ZNF804B: variants seen among roughly 807,000 people sequenced by gnomAD.
The protein encoded by ZNF804B is zinc finger 804B.
ZNF804B carries 80 observed loss-of-function variants against 101.4 expected under a neutral mutation model. The observed-to-expected ratio is 0.79, with a 90% CI of 0.66 to 0.95. The LOEUF (loss-of-function observed/expected upper bound fraction) is 0.95, where lower values mean the gene tolerates loss of function less well. Ranked by LOEUF, ZNF804B falls within the 40% of genes least tolerant of loss-of-function variation. The pLI is 0.00. For missense variants in ZNF804B, 1,673 were observed against 1,561.9 expected (o/e 1.07, Z -1.20); for synonymous variants, 622 against 558.8 (o/e 1.11, Z -1.59).
chr7:89,273,959 T>G (rs1032406852), intron 2 of ZNF804B, among the ~76,000 whole-genome samples: 9 of 152,068 alleles, frequency 5.9e-5, no homozygotes, highest in African/African-American at 1.9e-4. Context: ...AGTAGCCACA[T>G]TCTGCTTTTT....
intron 1 of ZNF804B, among the ~76,000 whole-genome samples, chr7:88,956,865 A>T (rs1200746666): frequency 6.6e-6 from 1 of 151,468 alleles, no homozygotes; most frequent in Non-Finnish European, 1.5e-5. Flanking sequence ...TGTTGCATAC[A>T]CTTTTCTTGT....
chr7:89,130,803 G>T (rs948105243), intron 1 of ZNF804B, among the ~76,000 whole-genome samples: 5 of 151,904 alleles, frequency 3.3e-5, no homozygotes, highest in Admixed American at 2.0e-4. Context: ...GAAACATGAG[G>T]TGATTTTTAT....
chr7:88,817,978 G>T (rs529479347), intron 1 of ZNF804B, among the ~76,000 whole-genome samples: 1 of 152,236 alleles, frequency 6.6e-6, no homozygotes, highest in Non-Finnish European at 1.5e-5. Flanking sequence ...TTACTGGACA[G>T]ATAATTTTGT....
At position 89,279,747 on chromosome 7, in the gene ZNF804B, G is replaced by A. The variant is rs533331574; in HGVS notation, c.250-47597G>A. Among the ~76,000 whole-genome samples, 11 of 151,922 alleles carry A rather than the reference G, an allele frequency of 7.2e-5. No homozygotes were observed. In the East Asian group the frequency reaches 1.6e-3, roughly 21 times the overall value. ...AGCTTTTTGATGTGCTGCTGGATTC[G>A]GTTTGCCAGTATTTTATTGAGGATT... On this transcript the variant is annotated intron_variant, in intron 2 of 3. Coordinates refer to ENST00000333190, the MANE Select transcript of ZNF804B (RefSeq NM_181646.5).
chr7:88,920,121 G>GCAAAA (rs1043930722), intron 1 of ZNF804B, among the ~76,000 whole-genome samples: 51 of 151,962 alleles, frequency 3.4e-4, no homozygotes, highest in African/African-American at 1.2e-3. Flanking sequence ...GGTTAAAAAA[G>GCAAAA]CAAAACAAAA....
In ZNF804B at chr7:88,814,052, T is replaced by C. The variant is rs1221833275; in HGVS notation, c.108+53968T>C. 2.6e-5 allele frequency among the ~76,000 whole-genome samples: 4 copies of C among 152,202 alleles called. No individual in the cohort carries two copies. The East Asian group carries it at 7.7e-4, about 29-fold the overall frequency. On this transcript the variant is annotated intron_variant, in intron 1 of 3. Transcript: ENST00000333190. ...TGAAAATTCTGATTTGAGAGAAATG[T>C]ATGCAGAATTGATATTTATAGTACT... is the stretch of plus-strand genomic sequence containing the variant.
intron 1 of ZNF804B, among the ~76,000 whole-genome samples, chr7:88,858,553 A>C (rs1791604427): frequency 6.6e-6 from 1 of 152,178 alleles, no homozygotes. Context: ...ATAGAAAAGC[A>C]GTTACTAAAC....
At position 89,032,319 on chromosome 7, in the gene ZNF804B, G is replaced by A. The variant is rs543432417; in HGVS notation, c.109-185836G>A. ...TTGTGTTGGGGGGACAGGATGTGGG[G>A]TGGGGGAGAGAATGAGTTAAGGGGG... On this transcript the variant is annotated intron_variant, in intron 1 of 3. Coordinates refer to ENST00000333190, the MANE Select transcript of ZNF804B (RefSeq NM_181646.5). 2.6e-5 allele frequency among the ~76,000 whole-genome samples: 4 copies of A among 151,204 alleles called. No homozygotes were observed. The South Asian group carries it at 6.3e-4, about 24-fold the overall frequency.
chr7:89,075,835 C>T (rs557197219), intron 1 of ZNF804B, among the ~76,000 whole-genome samples: 82 of 152,280 alleles, frequency 5.4e-4, no homozygotes, highest in African/African-American at 1.6e-3. Flanking sequence ...CAAAGGTGCC[C>T]GAGACCATGG....
At chr7:89,220,033 G>A (rs534707677) in intron 2 of ZNF804B, among the ~76,000 whole-genome samples, 4,949 of 60,806 alleles carry the variant, frequency 0.081, 1,709 homozygotes, top group Middle Eastern at 0.1. Flanking sequence ...ATATATATAC[G>A]CACATATATG....
At chr7:89,135,710 A>G (rs1163922532) in intron 1 of ZNF804B, among the ~76,000 whole-genome samples, 2 of 152,064 alleles carry the variant, frequency 1.3e-5, no homozygotes, top group African/African-American at 4.8e-5. Context: ...TTACTTTCAC[A>G]GTCAGACTGG....
chr7:88,878,014 C>T (rs1012208389), intron 1 of ZNF804B, among the ~76,000 whole-genome samples: 35 of 151,984 alleles, frequency 2.3e-4, no homozygotes, highest in Non-Finnish European at 1.3e-4. Context: ...AAAAAAGATG[C>T]GGTTAAATCA....
intron 1 of ZNF804B, among the ~76,000 whole-genome samples, chr7:89,011,173 A>G (rs1450252824): frequency 2.0e-5 from 3 of 152,198 alleles, no homozygotes; most frequent in Non-Finnish European, 2.9e-5. Flanking sequence ...TCAGACACTT[A>G]TAGAACTATC....
At chr7:88,820,584 C>A (rs117899033) in intron 1 of ZNF804B, among the ~76,000 whole-genome samples, 1,657 of 152,230 alleles carry the variant, frequency 0.011, 22 homozygotes, top group Non-Finnish European at 0.019. Context: ...GAAGTAGATG[C>A]CTGTAATGTT....
chr7:89,088,785 G>A (rs1038933406), intron 1 of ZNF804B, among the ~76,000 whole-genome samples: 8 of 151,636 alleles, frequency 5.3e-5, no homozygotes, highest in African/African-American at 1.7e-4. Flanking sequence ...ACACCTTGTG[G>A]AGGCAAACAT....
chr7:89,240,630 A>T (rs1283149909), intron 2 of ZNF804B, among the ~76,000 whole-genome samples: 1 of 151,428 alleles, frequency 6.6e-6, no homozygotes, highest in Non-Finnish European at 1.5e-5. Flanking sequence ...TATATTCTTC[A>T]TTTTATATTT....
intron 1 of ZNF804B, among the ~76,000 whole-genome samples, chr7:88,936,315 T>C (rs1435572286): frequency 2.6e-5 from 4 of 152,090 alleles, no homozygotes. Flanking sequence ...GTAGAGGAAC[T>C]TTCCCTCTGA....
chr7:88,782,100 T>A (rs1170148648), intron 1 of ZNF804B, among the ~76,000 whole-genome samples: 4 of 126,734 alleles, frequency 3.2e-5, no homozygotes, highest in Non-Finnish European at 6.3e-5. Context: ...TTTGTGTGAG[T>A]GCGTGTGTGT....
Position 88,759,963 on chromosome 7 carries a change from C to T in ZNF804B, c.-14C>T. 1 of 1,613,210 alleles carries T rather than the reference C, an allele frequency of 6.2e-7. No individual in the cohort carries two copies. The highest frequency in any genetic ancestry group is 8.5e-7 in the Non-Finnish European group (1 of 1,179,178). On this transcript the variant is annotated 5_prime_UTR_variant, in exon 1 of 4. Transcript: ENST00000333190. ...GGTGAGGAGTTGAGACTCTGCGCCT[C>T]CGCCCGGACCCACATGGCTTGTTAC... is the stretch of plus-strand genomic sequence containing the variant.
Sources: allele counts gnomAD v4.1 joint callset (sites outside exome capture counted in the v4.1 genomes callset), GRCh38; gene constraint gnomAD v4.1.1; transcripts MANE v1.5; gene names NCBI Gene and HGNC (gene_info 2026-07-23, HGNC 2026-07-21).